The following CTNNA3 variants were observed in gnomAD, a reference collection of about 807,000 sequenced individuals.
CTNNA3 encodes the protein catenin alpha-3.
CTNNA3 carries 76 observed loss-of-function variants against 95.7 expected under a neutral mutation model. The observed-to-expected ratio is 0.79, with a 90% CI of 0.66 to 0.96. The LOEUF (loss-of-function observed/expected upper bound fraction) is 0.96. Among genes scored for constraint, CTNNA3 ranks in the 40% least tolerant of loss-of-function variants. CTNNA3 has a pLI of 0.00. For synonymous variants in CTNNA3, 431 were observed against 374.4 expected, an observed-to-expected ratio of 1.15 and a Z score of -1.74; for missense variants, 1,191 against 1,089.8, an observed-to-expected ratio of 1.09 and a Z score of -1.31.
chr10:67,390,605 AAG>A (rs1564619327), intron 5 of CTNNA3, among the ~76,000 whole-genome samples: 2 of 151,014 alleles, frequency 1.3e-5, no homozygotes, highest in African/African-American at 4.9e-5. Context: ...ACAACCAAAA[AAG>A]AGAATTTTAG....
intron 7 of CTNNA3, among the ~76,000 whole-genome samples, chr10:66,832,058 C>T (rs143921483): frequency 1.5e-4 from 23 of 152,308 alleles, no homozygotes; most frequent in African/African-American, 5.5e-4. Flanking sequence ...GCCACTCATC[C>T]TGAAAAACCC....
At chr10:66,393,670 T>C (rs1476190553) in intron 11 of CTNNA3, among the ~76,000 whole-genome samples, 4 of 152,100 alleles carry the variant, frequency 2.6e-5, no homozygotes, top group Non-Finnish European at 5.9e-5. Context: ...ACTGGTTTCT[T>C]GGAGTTTTTA....
At chr10:66,333,065 G>T (rs1295615333) in intron 12 of CTNNA3, among the ~76,000 whole-genome samples, 2 of 151,876 alleles carry the variant, frequency 1.3e-5, no homozygotes, top group Non-Finnish European at 2.9e-5. Flanking sequence ...TGTGGGATCG[G>T]TGGTGATATC....
At chr10:65,951,161 A>G (rs979625986) in intron 17 of CTNNA3, among the ~76,000 whole-genome samples, 2 of 152,164 alleles carry the variant, frequency 1.3e-5, no homozygotes, top group African/African-American at 4.8e-5. Context: ...TTGGAGAAGC[A>G]CCCTCTTAAA....
At chr10:66,076,511 G>T (rs1212681697) in intron 14 of CTNNA3, among the ~76,000 whole-genome samples, 5 of 151,542 alleles carry the variant, frequency 3.3e-5, no homozygotes, top group African/African-American at 1.2e-4. Flanking sequence ...ACATTTTTAT[G>T]TATAGACCTC....
intron 15 of CTNNA3, among the ~76,000 whole-genome samples, chr10:66,048,289 T>TGGACCAGAATAG (rs1400040504): frequency 6.6e-6 from 1 of 152,062 alleles, no homozygotes; most frequent in Non-Finnish European, 1.5e-5. Context: ...AATAGACCAA[T>TGGACCAGAATAG]GGACCAGAAT....
At chr10:65,935,669 G>A (rs1169737802) in intron 17 of CTNNA3, among the ~76,000 whole-genome samples, 1 of 152,120 alleles carries the variant, frequency 6.6e-6, no homozygotes, top group Admixed American at 6.5e-5. Flanking sequence ...AAATGGTTGT[G>A]TATCTTAGGG....
At chr10:66,116,555 T>A (rs992098194) in intron 13 of CTNNA3, among the ~76,000 whole-genome samples, 1 of 152,194 alleles carries the variant, frequency 6.6e-6, no homozygotes, top group Non-Finnish European at 1.5e-5. Context: ...TAAAAAGGAA[T>A]AAATTTGATT....
At chr10:66,314,986 C>G (rs914988106) in intron 12 of CTNNA3, among the ~76,000 whole-genome samples, 1 of 152,000 alleles carries the variant, frequency 6.6e-6, no homozygotes, top group African/African-American at 2.4e-5. Flanking sequence ...TGGTGGGTTA[C>G]TTTTTCACTT....
At chr10:66,044,540 T>C (rs909275110) in intron 15 of CTNNA3, among the ~76,000 whole-genome samples, 1 of 152,126 alleles carries the variant, frequency 6.6e-6, no homozygotes, top group African/African-American at 2.4e-5. Flanking sequence ...TCTTCTAATA[T>C]TATCCCGCCA....
intron 12 of CTNNA3, among the ~76,000 whole-genome samples, chr10:66,362,722 CAA>C (rs113642405): frequency 7.2e-6 from 1 of 138,298 alleles, no homozygotes; most frequent in African/African-American, 2.7e-5. Flanking sequence ...CCCTGCCGAC[CAA>C]AAAAAAAAAG....
At chr10:66,960,470 T>C (rs1849050696) in intron 7 of CTNNA3, among the ~76,000 whole-genome samples, 2 of 152,110 alleles carry the variant, frequency 1.3e-5, no homozygotes, top group Admixed American at 6.6e-5. Flanking sequence ...AGTTAAGAAC[T>C]TCAAAAAGTT....
chr10:67,714,060 C>T (rs1841128465), intron 1 of CTNNA3, among the ~76,000 whole-genome samples: 1 of 152,136 alleles, frequency 6.6e-6, no homozygotes. Context: ...GGGCAGGGCT[C>T]TCATGGAGAA....
chr10:67,623,491 G>T (rs1463934875), intron 2 of CTNNA3, among the ~76,000 whole-genome samples: 1 of 152,092 alleles, frequency 6.6e-6, no homozygotes, highest in South Asian at 2.1e-4. Flanking sequence ...CTTCATAGGA[G>T]CCAGGCAGGA....
intron 12 of CTNNA3, among the ~76,000 whole-genome samples, chr10:66,313,684 C>A (rs533225860): frequency 2.6e-5 from 4 of 152,148 alleles, no homozygotes; most frequent in East Asian, 1.9e-4. Flanking sequence ...TTCTCTCAAG[C>A]CTTGGGCTGT....
chr10:66,059,546 C>G lies in CTNNA3; in HGVS notation c.2159+9762G>C, dbSNP rs138628554. ...CAGCTCGTCTGCTCCTAACTGTTATCTTTCCTTTATATCTTTTTCTTTCCC... is the reference window on the plus strand; with the variant it reads ...CAGCTCGTCTGCTCCTAACTGTTATGTTTCCTTTATATCTTTTTCTTTCCC... On this transcript the variant is annotated intron_variant, in intron 15 of 17. Transcript: ENST00000433211. Among the ~76,000 whole-genome samples the G allele has an allele frequency of 2.6e-3, 390 of 152,172 alleles. 6 individuals are homozygous for G. The highest frequency in any genetic ancestry group is 9.1e-3 in the African/African-American group (377 of 41,554).
At chr10:67,255,327 A>C (rs926298250) in intron 5 of CTNNA3, among the ~76,000 whole-genome samples, 1 of 151,956 alleles carries the variant, frequency 6.6e-6, no homozygotes, top group Non-Finnish European at 1.5e-5. Context: ...TAAATTAATT[A>C]ATTAATTTAA....
intron 7 of CTNNA3, among the ~76,000 whole-genome samples, chr10:67,124,568 G>A (rs920375113): frequency 2.0e-4 from 30 of 152,094 alleles, no homozygotes; most frequent in Admixed American, 9.2e-4. Flanking sequence ...GACTAGCTAT[G>A]TCAAAAGGAA....
intron 14 of CTNNA3, chr10:66,079,328 T>C (rs891985508): frequency 2.0e-5 from 3 of 151,958 alleles, no homozygotes; most frequent in African/African-American, 7.2e-5. Flanking sequence ...AAGATGCATA[T>C]AATACAATTA....
Sources: allele counts gnomAD v4.1 joint callset (sites outside exome capture counted in the v4.1 genomes callset), GRCh38; gene constraint gnomAD v4.1.1; transcripts MANE v1.5; gene names NCBI Gene and HGNC (gene_info 2026-07-23, HGNC 2026-07-21).